The following ADAMTSL1 variants were observed in gnomAD, a reference collection of about 807,000 sequenced individuals.
ADAMTSL1 encodes ADAMTS like 1.
Under a neutral mutation model 201.8 loss-of-function variants are expected in ADAMTSL1, and 126 were observed. The ratio of observed to expected loss-of-function variants is 0.62; its 90% confidence interval spans 0.54 to 0.72. The LOEUF (loss-of-function observed/expected upper bound fraction) is 0.72. Among genes scored for constraint, ADAMTSL1 ranks in the 30% least tolerant of loss-of-function variants. The pLI, the probability that ADAMTSL1 is intolerant of heterozygous loss-of-function variation, is 0.00. For missense variants in ADAMTSL1, 2,679 were observed against 2,277.8 expected, an observed-to-expected ratio of 1.18 and a Z score of -3.59; for synonymous variants, 1,121 against 903.4, an observed-to-expected ratio of 1.24 and a Z score of -4.32.
intron 2 of ADAMTSL1, among the ~76,000 whole-genome samples, chr9:18,289,072 C>T (rs1274115923): frequency 6.6e-6 from 1 of 151,782 alleles, no homozygotes; most frequent in Non-Finnish European, 1.5e-5. Context: ...CTGGGTTCTC[C>T]AAAGAAATAG....
At chr9:18,888,161 C>A in intron 24 of ADAMTSL1, 118 bp downstream of exon 24, 1 of 1,062,586 alleles carries the variant, frequency 9.4e-7, no homozygotes, top group Non-Finnish European at 1.3e-6. Flanking sequence ...GGCATGAAAA[C>A]CAAAGCCATG....
At chr9:18,682,341 A>C (rs1287092580) in intron 12 of ADAMTSL1, among the ~76,000 whole-genome samples, 1 of 152,204 alleles carries the variant, frequency 6.6e-6, no homozygotes, top group African/African-American at 2.4e-5. Context: ...CTATTTTGCT[A>C]AGGCTGAAGT....
At chr9:18,352,148 A>G (rs1835995013) in intron 2 of ADAMTSL1, among the ~76,000 whole-genome samples, 1 of 152,180 alleles carries the variant, frequency 6.6e-6, no homozygotes, top group Admixed American at 6.5e-5. Flanking sequence ...TGTAGCTTCT[A>G]TAGTGTTATC....
At chr9:18,605,255 C>A (rs1824936912) in intron 4 of ADAMTSL1, among the ~76,000 whole-genome samples, 1 of 152,186 alleles carries the variant, frequency 6.6e-6, no homozygotes, top group African/African-American at 2.4e-5. Flanking sequence ...TTTATCTATG[C>A]AGTTGTTGAT....
At chr9:18,574,410 A>C in intron 4 of ADAMTSL1, 144 bp downstream of exon 4, 1 of 804,714 alleles carries the variant, frequency 1.2e-6, no homozygotes, top group Non-Finnish European at 2.1e-6. Flanking sequence ...AAATTAAGGT[A>C]TGATTTCAGT....
intron 1 of ADAMTSL1, among the ~76,000 whole-genome samples, chr9:18,083,085 A>ATG (rs147267961): frequency 9.2e-5 from 14 of 152,382 alleles, no homozygotes; most frequent in Non-Finnish European, 1.9e-4. Flanking sequence ...ATAGAGGAAC[A>ATG]TGTGGAACGT....
intron 1 of ADAMTSL1, among the ~76,000 whole-genome samples, chr9:17,953,066 C>G (rs1273144426): frequency 1.3e-5 from 2 of 150,398 alleles, no homozygotes; most frequent in African/African-American, 2.4e-5. Context: ...TGACTGTTTA[C>G]ATTCATATAG....
At chr9:17,989,536 T>C (rs540572019) in intron 1 of ADAMTSL1, among the ~76,000 whole-genome samples, 2 of 152,164 alleles carry the variant, frequency 1.3e-5, no homozygotes, top group East Asian at 3.9e-4. Context: ...TTAATTACTT[T>C]AAATGAATTT....
At chr9:18,564,176 G>T (rs1821727311) in intron 3 of ADAMTSL1, among the ~76,000 whole-genome samples, 1 of 152,224 alleles carries the variant, frequency 6.6e-6, no homozygotes, top group Admixed American at 6.5e-5. Context: ...TCTGCGCATT[G>T]CAAAGACTGT....
At chr9:18,328,492 C>T (rs149134157) in intron 2 of ADAMTSL1, among the ~76,000 whole-genome samples, 17 of 152,228 alleles carry the variant, frequency 1.1e-4, no homozygotes, top group African/African-American at 1.7e-4. Flanking sequence ...CTCCTAATAA[C>T]GTCATAACAT....
chr9:18,755,588 C>T (rs992361295), intron 16 of ADAMTSL1, among the ~76,000 whole-genome samples: 3 of 152,098 alleles, frequency 2.0e-5, no homozygotes, highest in East Asian at 1.9e-4. Context: ...ACTCATGATG[C>T]TTTTTCAGTT....
chr9:18,449,101 A>C (rs751653329), intron 2 of ADAMTSL1, among the ~76,000 whole-genome samples: 1 of 69,324 alleles, frequency 1.4e-5, no homozygotes, highest in Non-Finnish European at 4.0e-5. Context: ...GCATTTATTC[A>C]TGTGAGTGAG....
At chr9:18,032,471 C>T (rs867120371) in intron 1 of ADAMTSL1, among the ~76,000 whole-genome samples, 3 of 152,168 alleles carry the variant, frequency 2.0e-5, no homozygotes, top group Middle Eastern at 3.2e-3. Context: ...TGTACACCCT[C>T]CTGCGGGAGC....
chr9:18,455,536 T>C (rs576355187), intron 2 of ADAMTSL1, among the ~76,000 whole-genome samples: 1 of 152,246 alleles, frequency 6.6e-6, no homozygotes, highest in East Asian at 1.9e-4. Flanking sequence ...TTTTTTTTAA[T>C]CTTTAGGACA....
intron 23 of ADAMTSL1, among the ~76,000 whole-genome samples, chr9:18,857,861 T>A (rs10963810): frequency 0.095 from 14,463 of 152,262 alleles, 930 homozygotes; most frequent in Middle Eastern, 0.21. Context: ...GACTTTAAGA[T>A]GACTCATATC....
chr9:18,066,993 G>A (rs370020525), intron 1 of ADAMTSL1, among the ~76,000 whole-genome samples: 3 of 152,114 alleles, frequency 2.0e-5, no homozygotes, highest in Non-Finnish European at 2.9e-5. Context: ...GTTGTGGGGT[G>A]GGGGGAGAGA....
At chr9:18,235,686 T>C (rs1830821173) in intron 2 of ADAMTSL1, among the ~76,000 whole-genome samples, 1 of 152,212 alleles carries the variant, frequency 6.6e-6, no homozygotes, top group South Asian at 2.1e-4. Context: ...TTCTATAATC[T>C]GCCCACAGTT....
At chr9:18,788,361 C>A (rs1433156181) in intron 19 of ADAMTSL1, among the ~76,000 whole-genome samples, 1 of 151,980 alleles carries the variant, frequency 6.6e-6, no homozygotes, top group East Asian at 1.9e-4. Context: ...TAACTACAAA[C>A]CTTGACGTTA....
At chr9:18,317,143 G>C (rs4410998) in intron 2 of ADAMTSL1, among the ~76,000 whole-genome samples, 1 of 152,068 alleles carries the variant, frequency 6.6e-6, no homozygotes, top group Non-Finnish European at 1.5e-5. Flanking sequence ...GGCAAATACC[G>C]TATGATCTTA....
Sources: allele counts gnomAD v4.1 joint callset (sites outside exome capture counted in the v4.1 genomes callset), GRCh38; gene constraint gnomAD v4.1.1; transcripts MANE v1.5; gene names NCBI Gene and HGNC (gene_info 2026-07-23, HGNC 2026-07-21).